The following PIP4K2A variants were observed in gnomAD, a reference collection of about 807,000 sequenced individuals.
PIP4K2A encodes the protein phosphatidylinositol-5-phosphate 4-kinase type 2 alpha.
Under a neutral mutation model 42.9 loss-of-function variants are expected in PIP4K2A, and 14 were observed. That is an observed-to-expected ratio of 0.33 (90% CI 0.22 to 0.51). The LOEUF (loss-of-function observed/expected upper bound fraction) is 0.51. Among genes scored for constraint, PIP4K2A ranks in the 20% least tolerant of loss-of-function variants. The pLI is 0.97. For synonymous variants in PIP4K2A, 192 were observed against 192.2 expected (o/e 1.00, Z 0.01); for missense variants, 434 against 519.8 (o/e 0.83, Z 1.61).
intron 7 of PIP4K2A, among the ~76,000 whole-genome samples, chr10:22,542,551 C>T (rs567152385): frequency 2.6e-5 from 4 of 152,292 alleles, no homozygotes; most frequent in African/African-American, 7.2e-5. Flanking sequence ...GCACTGTGTC[C>T]ACATCTGGTG....
chr10:22,611,440 A>T (rs1445965156), intron 1 of PIP4K2A, among the ~76,000 whole-genome samples: 2 of 152,094 alleles, frequency 1.3e-5, no homozygotes, highest in East Asian at 3.8e-4. Flanking sequence ...AAAAAGCAGA[A>T]TACTCAAAGC....
chr10:22,714,331 G>T lies in PIP4K2A; in HGVS notation c.-5C>A, dbSNP rs766912515. The T allele has an allele frequency of 1.3e-6, 2 of 1,599,908 alleles. No homozygotes were observed. Among genetic ancestry groups the T allele is most frequent in the Non-Finnish European group, 1.7e-6 (2 of 1,173,248 alleles). ...TAGGTTGCCGGGGGTCGCCATGGCCGCCTCCTATGTCCCCTCCACCGCCGT... is the reference window on the plus strand; with the variant it reads ...TAGGTTGCCGGGGGTCGCCATGGCCTCCTCCTATGTCCCCTCCACCGCCGT... On this transcript the variant is annotated 5_prime_UTR_variant, in exon 1 of 10. Transcript: ENST00000376573.
chr10:22,713,684 A>T (rs910046437), intron 1 of PIP4K2A, among the ~76,000 whole-genome samples: 3 of 152,082 alleles, frequency 2.0e-5, no homozygotes, highest in Non-Finnish European at 4.4e-5. Flanking sequence ...TCCTCGCCCC[A>T]GTGCCCCAGT....
intron 6 of PIP4K2A, among the ~76,000 whole-genome samples, chr10:22,566,620 C>CTGGCTTCCTTCCCTCTG (rs1836854027): frequency 6.6e-6 from 1 of 152,220 alleles, no homozygotes; most frequent in African/African-American, 2.4e-5. Context: ...TCTGACAGGA[C>CTGGCTTCCTTCCCTCTG]TGGCTTCCTT....
chr10:22,596,428 T>C (rs927356584), intron 3 of PIP4K2A, among the ~76,000 whole-genome samples: 1 of 152,178 alleles, frequency 6.6e-6, no homozygotes, highest in Admixed American at 6.5e-5. Flanking sequence ...ACTTCACAGA[T>C]TCCAGATGTA....
intron 6 of PIP4K2A, chr10:22,567,641 A>G (rs1370701134): frequency 1.4e-6 from 1 of 727,518 alleles, no homozygotes; most frequent in Non-Finnish European, 2.6e-6. Flanking sequence ...CTTGCAACAA[A>G]TAACTGTTTC....
In PIP4K2A at chr10:22,627,591, T is replaced by TAAATAAAAAAAAAA. The variant is rs1838469660; in HGVS notation, c.145-17875_145-17874insTTTTTTTTTTATTT. On this transcript the variant is annotated intron_variant, in intron 1 of 9. Transcript: ENST00000376573. ...TGTTTAACCAAAAGCTAATATGTAA[T>TAAATAAAAAAAAAA]AAAAAAAAAAAAAAAAAAAAAAAAA... Among the ~76,000 whole-genome samples the TAAATAAAAAAAAAA allele has an allele frequency of 5.3e-5, 3 of 56,994 alleles. No individual in the cohort carries two copies. In the South Asian group the frequency reaches 2.5e-3, roughly 47 times the overall value. 37.4% of individuals were successfully genotyped at this position (56,994 alleles called of 152,430 possible).
chr10:22,643,331 T>C (rs570436389), intron 1 of PIP4K2A, among the ~76,000 whole-genome samples: 1,565 of 152,328 alleles, frequency 0.01, 17 homozygotes, highest in Non-Finnish European at 0.016. Flanking sequence ...TCTATGGCTG[T>C]GTTCGTGCTA....
In PIP4K2A at chr10:22,650,579, T is replaced by C. The variant is rs74582143; in HGVS notation, c.145-40862A>G. Reference sequence around the variant, plus strand: ...ATTTGAGCTCAATTTTACTGTGATATTGTGAACAAGCTGGACTTCTCGCTT... The same window carrying C: ...ATTTGAGCTCAATTTTACTGTGATACTGTGAACAAGCTGGACTTCTCGCTT... On this transcript the variant is annotated intron_variant, in intron 1 of 9. Transcript: ENST00000376573. Among the ~76,000 whole-genome samples, 530 of 152,352 alleles carry C rather than the reference T, an allele frequency of 3.5e-3. 7 individuals are homozygous for C. The highest frequency in any genetic ancestry group is 0.025 in the East Asian group (130 of 5,186).
At chr10:22,614,765 A>G (rs1408493783) in intron 1 of PIP4K2A, among the ~76,000 whole-genome samples, 1 of 152,218 alleles carries the variant, frequency 6.6e-6, no homozygotes, top group Admixed American at 6.5e-5. Context: ...AACTGAAAAG[A>G]CATTTAACTT....
chr10:22,622,619 A>G (rs892005531), intron 1 of PIP4K2A, among the ~76,000 whole-genome samples: 1 of 152,220 alleles, frequency 6.6e-6, no homozygotes, highest in African/African-American at 2.4e-5. Flanking sequence ...GGCAGCACAA[A>G]GGCTGGCCTC....
intron 1 of PIP4K2A, among the ~76,000 whole-genome samples, chr10:22,704,338 A>T (rs1207351773): frequency 6.6e-6 from 1 of 152,144 alleles, no homozygotes; most frequent in Non-Finnish European, 1.5e-5. Context: ...TAGCACTGCC[A>T]GTGATGCTGA....
intron 1 of PIP4K2A, among the ~76,000 whole-genome samples, chr10:22,684,507 A>C (rs1839723496): frequency 6.6e-6 from 1 of 152,216 alleles, no homozygotes; most frequent in Non-Finnish European, 1.5e-5. Context: ...ATATATGTTC[A>C]TAATTTTTAA....
At chr10:22,614,779 G>GA (rs1431259596) in intron 1 of PIP4K2A, among the ~76,000 whole-genome samples, 2 of 152,106 alleles carry the variant, frequency 1.3e-5, no homozygotes, top group African/African-American at 2.4e-5. Flanking sequence ...TTAACTTCCT[G>GA]AAAAACTCTC....
At chr10:22,562,450 G>C (rs897282310) in intron 6 of PIP4K2A, among the ~76,000 whole-genome samples, 56 of 152,208 alleles carry the variant, frequency 3.7e-4, no homozygotes, top group Admixed American at 3.7e-3. Context: ...TAGGGAGGCT[G>C]AGGCAGGAGA....
chr10:22,539,885 A>AGGGG lies in PIP4K2A; in HGVS notation c.1140+85_1140+86insCCCC, dbSNP rs59155025. The AGGGG allele has an allele frequency of 4.3e-5, 33 of 759,934 alleles. No homozygotes were observed. The African/African-American group carries it at 7.3e-4, about 17-fold the overall frequency. 47.1% of individuals were successfully genotyped at this position (759,934 alleles called of 1,614,324 possible). A position where few individuals can be genotyped will look rare whatever the true frequency, so the allele number is the denominator to read the frequency against. The stretch of plus-strand genomic sequence containing the variant: ...GAGTTACAGGTCACACAGAGGAGCC[A>AGGGG]GGAGAGAGAGAGAGAGAGAGAGAGA... On this transcript the variant is annotated intron_variant, in intron 9 of 9. Coordinates refer to ENST00000376573, the MANE Select transcript of PIP4K2A (RefSeq NM_005028.5).
intron 4 of PIP4K2A, among the ~76,000 whole-genome samples, chr10:22,574,088 G>A (rs539240272): frequency 4.1e-5 from 2 of 48,512 alleles, no homozygotes; most frequent in East Asian, 1.5e-3. Flanking sequence ...CACCATTTCC[G>A]AGGAGAGTTG....
chr10:22,549,827 A>AT (rs1242264309), intron 7 of PIP4K2A, among the ~76,000 whole-genome samples: 10 of 129,668 alleles, frequency 7.7e-5, no homozygotes, highest in African/African-American at 2.9e-4. Context: ...GAAGACAGTG[A>AT]GAATCCATCT....
rs73598562 is a variant in PIP4K2A at position 22,556,414 on chromosome 10, A to G, written c.679-5642T>C. Among the ~76,000 whole-genome samples, 1,124 of 152,334 alleles carry G rather than the reference A, an allele frequency of 7.4e-3. 7 individuals carry two copies. The highest frequency in any genetic ancestry group is 0.026 in the African/African-American group (1,069 of 41,570). Reference sequence around the variant, plus strand: ...TTTTGTTTAAACTGAAACCCAAATGAGAGTAAAATGTCCCTATCTTATCAT... The same window carrying G: ...TTTTGTTTAAACTGAAACCCAAATGGGAGTAAAATGTCCCTATCTTATCAT... On this transcript the variant is annotated intron_variant, in intron 6 of 9. Transcript: ENST00000376573.
Sources: allele counts gnomAD v4.1 joint callset (sites outside exome capture counted in the v4.1 genomes callset), GRCh38; gene constraint gnomAD v4.1.1; transcripts MANE v1.5; gene names NCBI Gene and HGNC (gene_info 2026-07-23, HGNC 2026-07-21).